CHST9: variants seen among roughly 807,000 people sequenced by gnomAD.
CHST9 encodes the protein GalNAc-4-sulfotransferase 2.
Under a neutral mutation model 44.4 loss-of-function variants are expected in CHST9, and 41 were observed. The ratio of observed to expected loss-of-function variants is 0.92; its 90% CI spans 0.72 to 1.20. The LOEUF (loss-of-function observed/expected upper bound fraction) is 1.20. Ranked by LOEUF, CHST9 falls within the 50% of genes most tolerant of loss-of-function variation. The pLI, the probability that CHST9 is intolerant of heterozygous loss-of-function variation, is 0.00. For missense variants in CHST9, 504 were observed against 516.5 expected, an observed-to-expected ratio of 0.98 and a Z score of 0.23; for synonymous variants, 171 against 178.4, an observed-to-expected ratio of 0.96 and a Z score of 0.33.
intron 1 of CHST9, among the ~76,000 whole-genome samples, chr18:27,154,312 TCAGA>T (rs964277458): frequency 1.6e-4 from 25 of 152,158 alleles, no homozygotes; most frequent in Admixed American, 1.6e-3. Context: ...TGTTTTCTTT[TCAGA>T]CAAGAAATAT....
At chr18:27,045,624 G>A (rs951933828) in intron 3 of CHST9, among the ~76,000 whole-genome samples, 5 of 151,852 alleles carry the variant, frequency 3.3e-5, no homozygotes, top group East Asian at 1.9e-4. Flanking sequence ...AAGCCAAATC[G>A]CCAAATTTAG....
intron 2 of CHST9, among the ~76,000 whole-genome samples, chr18:27,085,445 TA>T (rs2058002749): frequency 6.6e-6 from 1 of 151,986 alleles, no homozygotes; most frequent in Non-Finnish European, 1.5e-5. Context: ...ATAACTCTGT[TA>T]TAAAGTAGGC....
chr18:27,159,290 G>T (rs955314615), intron 1 of CHST9, among the ~76,000 whole-genome samples: 12 of 152,136 alleles, frequency 7.9e-5, no homozygotes, highest in African/African-American at 2.9e-4. Context: ...TTTGTATAAG[G>T]TATAAGGAAG....
At chr18:27,112,933 T>G (rs1342848679) in intron 2 of CHST9, among the ~76,000 whole-genome samples, 1 of 152,204 alleles carries the variant, frequency 6.6e-6, no homozygotes, top group Non-Finnish European at 1.5e-5. Flanking sequence ...CTCACGCCTG[T>G]AATCCCAGCA....
chr18:27,048,230 G>A (rs2057527327), intron 3 of CHST9, among the ~76,000 whole-genome samples: 1 of 152,102 alleles, frequency 6.6e-6, no homozygotes, highest in South Asian at 2.1e-4. Flanking sequence ...AAAAAATTAA[G>A]CAACATTCCC....
At chr18:27,061,548 G>A (rs2057721849) in intron 2 of CHST9, among the ~76,000 whole-genome samples, 1 of 152,124 alleles carries the variant, frequency 6.6e-6, no homozygotes, top group Non-Finnish European at 1.5e-5. Flanking sequence ...CCTAGACCAT[G>A]CACTGAGTAC....
chr18:27,046,397 G>A (rs1298919663), intron 3 of CHST9, among the ~76,000 whole-genome samples: 2 of 151,894 alleles, frequency 1.3e-5, no homozygotes, highest in Non-Finnish European at 2.9e-5. Flanking sequence ...TATACATTTA[G>A]TGCAATAGGA....
intron 4 of CHST9, among the ~76,000 whole-genome samples, chr18:27,001,196 T>G (rs1282269752): frequency 2.0e-5 from 3 of 152,168 alleles, no homozygotes; most frequent in Non-Finnish European, 4.4e-5. Flanking sequence ...ATGATGTGTG[T>G]GCATATAAGT....
At chr18:27,135,504 T>A (rs2058506193) in intron 2 of CHST9, among the ~76,000 whole-genome samples, 2 of 152,222 alleles carry the variant, frequency 1.3e-5, no homozygotes, top group South Asian at 4.1e-4. Context: ...CAGTGACCAC[T>A]CTTTCTTCTT....
chr18:27,147,957 C>T (rs956316397), intron 1 of CHST9, among the ~76,000 whole-genome samples: 2 of 150,106 alleles, frequency 1.3e-5, no homozygotes, highest in Non-Finnish European at 3.0e-5. Flanking sequence ...ATTATTTTGT[C>T]ACCCAGGTAT....
chr18:27,080,128 C>A (rs971982799), intron 2 of CHST9, among the ~76,000 whole-genome samples: 1 of 151,928 alleles, frequency 6.6e-6, no homozygotes, highest in Non-Finnish European at 1.5e-5. Context: ...ATGGTCCTTG[C>A]CCTTAAAACC....
chr18:26,985,328 G>A (rs952057116), intron 4 of CHST9, among the ~76,000 whole-genome samples: 8 of 152,164 alleles, frequency 5.3e-5, no homozygotes, highest in Non-Finnish European at 1.0e-4. Context: ...TGGAATAACT[G>A]GGACCAAATT....
intron 4 of CHST9, among the ~76,000 whole-genome samples, chr18:26,957,675 T>A (rs2056343771): frequency 6.6e-6 from 1 of 152,008 alleles, no homozygotes; most frequent in South Asian, 2.1e-4. Context: ...TATCAGAGAA[T>A]CTTCTTCTGG....
chr18:26,968,879 A>G (rs1485765127), intron 4 of CHST9, among the ~76,000 whole-genome samples: 1 of 152,126 alleles, frequency 6.6e-6, no homozygotes, highest in African/African-American at 2.4e-5. Context: ...CAAAATGTTG[A>G]TTGAAACATC....
intron 4 of CHST9, among the ~76,000 whole-genome samples, chr18:26,984,197 C>T (rs1407809373): frequency 6.6e-6 from 1 of 152,098 alleles, no homozygotes; most frequent in Non-Finnish European, 1.5e-5. Context: ...AATGGGGAAA[C>T]ATTTATAGGG....
intron 4 of CHST9, among the ~76,000 whole-genome samples, chr18:26,984,536 A>AT (rs2056731168): frequency 1.3e-5 from 2 of 152,070 alleles, no homozygotes; most frequent in Admixed American, 6.6e-5. Flanking sequence ...AAAATTAAGA[A>AT]TTTTTTTATT....
At chr18:27,020,726 T>C (rs1305994204) in intron 4 of CHST9, among the ~76,000 whole-genome samples, 5 of 152,202 alleles carry the variant, frequency 3.3e-5, no homozygotes, top group Non-Finnish European at 5.9e-5. Context: ...AGATATAGCC[T>C]ATATTTCCTT....
intron 1 of CHST9, among the ~76,000 whole-genome samples, chr18:27,146,495 T>C (rs2058613490): frequency 6.6e-6 from 1 of 152,198 alleles, no homozygotes; most frequent in Admixed American, 6.5e-5. Flanking sequence ...ACACACCTAT[T>C]TGGAGATCAT....
chr18:26,916,989 T>C lies in CHST9; in HGVS notation c.602A>G (p.His201Arg). Residue 201 changes from histidine (H) to arginine (R), a missense_variant, in exon 6 of 6, where the codon CAT becomes CGT. Physicochemically the swap from His to Arg is conservative, Grantham distance 29. Coordinates refer to ENST00000618847, the MANE Select transcript of CHST9 (RefSeq NM_031422.6). ...TTCTACATAGATTCTGGATACTGTATGAAAAAGATGTGACTGATGATGACT... is the reference window on the plus strand; with the variant it reads ...TTCTACATAGATTCTGGATACTGTACGAAAAAGATGTGACTGATGATGACT... ...GVSHHQSHLF[H>R]TVSRIYVEDK... The C allele has an allele frequency of 1.9e-6, 3 of 1,613,958 alleles. No homozygotes were observed. Among genetic ancestry groups the C allele is most frequent in the Non-Finnish European group, 2.5e-6 (3 of 1,179,890 alleles).
Sources: gnomAD v4.1 joint callset for allele counts (sites outside exome capture counted in the v4.1 genomes callset) on GRCh38, gnomAD v4.1.1 for gene constraint, MANE v1.5 for transcripts, NCBI Gene and HGNC (gene_info 2026-07-23, HGNC 2026-07-21) for gene names.